NT5C2: variants seen among roughly 807,000 people sequenced by gnomAD.
The protein encoded by NT5C2 is cytosolic purine 5'-nucleotidase.
NT5C2 carries 58 observed loss-of-function variants against 76.1 expected under a neutral mutation model. The ratio of observed to expected loss-of-function variants is 0.76; its 90% CI spans 0.62 to 0.95. The LOEUF is 0.95. Ranked by LOEUF, NT5C2 falls within the 40% of genes least tolerant of loss-of-function variation. The probability of loss-of-function intolerance (pLI) is 0.00; values close to 1 mark genes in which losing one functional copy is unlikely to be tolerated. For missense variants in NT5C2, 478 were observed against 690.3 expected (o/e 0.69, Z 3.45); for synonymous variants, 229 against 237.4 (o/e 0.96, Z 0.32).
At chr10:103,106,733 T>G (rs1197629054) in intron 4 of NT5C2, 27 bp from the exon 5 acceptor site, 2 of 1,347,090 alleles carry the variant, frequency 1.5e-6, no homozygotes, top group African/African-American at 1.4e-5. Context: ...TTTTCATTAG[T>G]TAGCAGAAAG....
At chr10:103,090,164 T>C in intron 18 of NT5C2, 1 of 418,178 alleles carries the variant, frequency 2.4e-6, no homozygotes, top group Non-Finnish European at 4.2e-6. Context: ...TTACTTTCTA[T>C]TTTACAGCAA....
intron 3 of NT5C2, among the ~76,000 whole-genome samples, chr10:103,159,251 GCACACACACACACACA>G (rs57117670): frequency 8.3e-4 from 110 of 133,286 alleles, no homozygotes; most frequent in Non-Finnish European, 1.4e-3. Context: ...TCCAAAACAT[GCACACACACACACACA>G]CACACACACA....
At chr10:103,144,445 C>T (rs922301357) in intron 3 of NT5C2, among the ~76,000 whole-genome samples, 2 of 152,184 alleles carry the variant, frequency 1.3e-5, no homozygotes, top group Non-Finnish European at 2.9e-5. Context: ...GTGCTTAAGA[C>T]AAGAACAACA....
chr10:103,091,563 C>A lies in NT5C2; in HGVS notation c.1211+1G>T. ...GGGAAAGAAATTTTTAGAAAACTTA[C>A]TTGTAGAGTTCAGCCAAGAAAATAT... is the stretch of plus-strand genomic sequence containing the variant. On this transcript the variant is annotated splice_donor_variant, in intron 16 of 18. Coordinates refer to ENST00000404739, the MANE Select transcript of NT5C2 (RefSeq NM_001351169.2). LOFTEE classifies it high-confidence loss of function. 6.2e-7 allele frequency: 1 copy of A among 1,611,288 alleles called. No homozygotes were observed. The highest frequency in any genetic ancestry group is 8.5e-7 in the Non-Finnish European group (1 of 1,177,734).
intron 2 of NT5C2, among the ~76,000 whole-genome samples, chr10:103,180,810 T>C (rs191034523): frequency 1.7e-4 from 26 of 151,814 alleles, no homozygotes; most frequent in Admixed American, 1.1e-3. Flanking sequence ...CACAAGTAAA[T>C]GGATAAAAAA....
intron 2 of NT5C2, among the ~76,000 whole-genome samples, chr10:103,177,892 C>T (rs2090309522): frequency 6.6e-6 from 1 of 152,184 alleles, no homozygotes; most frequent in Non-Finnish European, 1.5e-5. Flanking sequence ...ACTTCCATGA[C>T]TCTAAAGTAA....
At chr10:103,132,032 G>A (rs1160460314) in intron 4 of NT5C2, among the ~76,000 whole-genome samples, 1 of 152,146 alleles carries the variant, frequency 6.6e-6, no homozygotes, top group African/African-American at 2.4e-5. Flanking sequence ...TCTGAAGTCA[G>A]GAGTTCGAGA....
chr10:103,137,059 T>C (rs11191573), intron 4 of NT5C2, among the ~76,000 whole-genome samples: 47,964 of 152,130 alleles, frequency 0.32, 7,656 homozygotes, highest in Middle Eastern at 0.36. Context: ...TAAATTGAAC[T>C]ATTTCAATGT....
intron 16 of NT5C2, 85 bp downstream of exon 16, chr10:103,091,479 G>A (rs1024296064): frequency 1.9e-6 from 2 of 1,053,510 alleles, no homozygotes; most frequent in Non-Finnish European, 2.9e-6. Context: ...CCAAATAGCT[G>A]GGATTACTGG....
chr10:103,142,188 AG>A, intron 3 of NT5C2, among the ~76,000 whole-genome samples: 1 of 152,300 alleles, frequency 6.6e-6, no homozygotes, highest in South Asian at 2.1e-4. Context: ...AAAGGTTAGT[AG>A]GGGTCAAAAT....
chr10:103,186,601 G>A (rs2092041266), intron 1 of NT5C2, among the ~76,000 whole-genome samples: 1 of 152,152 alleles, frequency 6.6e-6, no homozygotes, highest in Non-Finnish European at 1.5e-5. Flanking sequence ...AAGTAAACGA[G>A]TAATTCAAGG....
At chr10:103,170,095 C>T (rs948291498) in intron 3 of NT5C2, among the ~76,000 whole-genome samples, 3 of 151,996 alleles carry the variant, frequency 2.0e-5, no homozygotes, top group Admixed American at 1.3e-4. Flanking sequence ...CCACTGCACC[C>T]CAACCTGGGC....
rs377139530 is a variant in NT5C2 at position 103,183,334 on chromosome 10, CTT to C, written c.-168-2008_-168-2007del. On this transcript the variant is annotated intron_variant, in intron 1 of 18. Coordinates refer to ENST00000404739, the MANE Select transcript of NT5C2 (RefSeq NM_001351169.2). ...CTCCCCTCTTTCCTGAAATTATTAG[CTT>C]TTTTTTTTTTTTTTTAACAATCTAT... Among the ~76,000 whole-genome samples, 588 of 88,448 alleles carry C rather than the reference CTT, an allele frequency of 6.6e-3. 12 individuals carry two copies. The highest frequency in any genetic ancestry group is 0.023 in the African/African-American group (484 of 21,114). The allele number at this position is 88,448 out of a possible 152,430, so 58.0% of individuals were successfully genotyped here.
At chr10:103,140,886 C>T (rs1309972549) in intron 3 of NT5C2, among the ~76,000 whole-genome samples, 1 of 152,046 alleles carries the variant, frequency 6.6e-6, no homozygotes, top group Admixed American at 6.6e-5. Flanking sequence ...TTTCTTTTTT[C>T]GCTATTGTTT....
At chr10:103,172,966 C>T (rs2134698679) in intron 3 of NT5C2, among the ~76,000 whole-genome samples, 1 of 152,264 alleles carries the variant, frequency 6.6e-6, no homozygotes, top group East Asian at 1.9e-4. Context: ...CGAGATCAAG[C>T]CACTGGACTT....
chr10:103,155,277 TTAGAGA>T (rs1378531128), intron 3 of NT5C2, among the ~76,000 whole-genome samples: 1 of 152,190 alleles, frequency 6.6e-6, no homozygotes, highest in East Asian at 1.9e-4. Context: ...TGGCTGAGTC[TTAGAGA>T]TAGGATGAGA....
chr10:103,147,912 C>T (rs964034175), intron 3 of NT5C2, among the ~76,000 whole-genome samples: 3 of 152,042 alleles, frequency 2.0e-5, no homozygotes, highest in African/African-American at 7.2e-5. Context: ...GGTTGCACAA[C>T]TCTGTGAATA....
chr10:103,163,928 G>A (rs966188940), intron 3 of NT5C2, among the ~76,000 whole-genome samples: 6 of 151,124 alleles, frequency 4.0e-5, no homozygotes, highest in Non-Finnish European at 8.8e-5. Context: ...AGGAGCCTGA[G>A]GCACAAGAAT....
In NT5C2 at chr10:103,112,925, A is replaced by G. The variant is rs540049065; in HGVS notation, c.176-6219T>C. 9.8e-5 allele frequency among the ~76,000 whole-genome samples: 15 copies of G among 152,358 alleles called. No homozygotes were observed. The Middle Eastern group carries it at 0.01, about 104-fold the overall frequency. ...TAAGTGAGATCTTTCCAATTATCAT[A>G]TAAACAAATGCCCAAGGACTTTTTT... is the stretch of plus-strand genomic sequence containing the variant. On this transcript the variant is annotated intron_variant, in intron 4 of 18. Coordinates refer to ENST00000404739, the MANE Select transcript of NT5C2 (RefSeq NM_001351169.2).
Sources: gnomAD v4.1 joint callset for allele counts (sites outside exome capture counted in the v4.1 genomes callset) on GRCh38, gnomAD v4.1.1 for gene constraint, MANE v1.5 for transcripts, NCBI Gene and HGNC (gene_info 2026-07-23, HGNC 2026-07-21) for gene names.